SYTL2: variants seen among roughly 807,000 people sequenced by gnomAD.
The protein encoded by SYTL2 is synaptotagmin-like protein 2.
SYTL2 carries 165 observed loss-of-function variants against 198.7 expected under a neutral mutation model. That is an observed-to-expected ratio of 0.83 (90% CI 0.73 to 0.94). The LOEUF (loss-of-function observed/expected upper bound fraction) is 0.94, where lower values mean the gene tolerates loss of function less well. Among genes scored for constraint, SYTL2 ranks in the 40% least tolerant of loss-of-function variants. The pLI is 0.00. For synonymous variants in SYTL2, 966 were observed against 917.7 expected, an observed-to-expected ratio of 1.05 and a Z score of -0.95; for missense variants, 2,835 against 2,582.8, an observed-to-expected ratio of 1.10 and a Z score of -2.12.
At chr11:85,833,032 AAAGAAAGAAAGAAAG>A in the SYTL2 span, among the ~76,000 whole-genome samples, 150 of 20,614 alleles carry the variant, frequency 7.3e-3, 13 homozygotes, top group African/African-American at 0.029. Context: ...AGAAAGAAAG[AAAGAAAGAAAGAAAG>A]AAAGAAAGAA....
intron 17 of SYTL2, among the ~76,000 whole-genome samples, chr11:85,699,764 G>A (rs76808584): frequency 0.011 from 1,674 of 152,272 alleles, 14 homozygotes; most frequent in African/African-American, 0.037. Context: ...GAACTTGCTT[G>A]GGAAATGGAG....
Position 85,717,381 on chromosome 11 carries a change from C to T in SYTL2, c.5530+102G>A, listed in dbSNP as rs929080352. The T allele has an allele frequency of 2.2e-5, 22 of 979,448 alleles. No individual in the cohort carries two copies. The African/African-American group carries it at 2.9e-4, about 13-fold the overall frequency. The allele number at this position is 979,448 out of a possible 1,614,324, so 60.7% of individuals were successfully genotyped here. ...CTTTGCAAGCTGCAGGAGTTTAGTG[C>T]CAATAATAAATACTGTGTTATTAAT... is the stretch of plus-strand genomic sequence containing the variant. On this transcript the variant is annotated intron_variant, in intron 11 of 19. Coordinates refer to ENST00000359152, the MANE Select transcript of SYTL2 (RefSeq NM_206927.4).
the SYTL2 span, among the ~76,000 whole-genome samples, chr11:85,832,915 G>A: frequency 6.6e-6 from 1 of 150,526 alleles, no homozygotes; most frequent in Non-Finnish European, 1.5e-5. Context: ...AGGATCACTT[G>A]AGCCCAGGAG....
chr11:85,767,520 C>G (rs188403810), intron 1 of SYTL2, among the ~76,000 whole-genome samples: 1 of 152,252 alleles, frequency 6.6e-6, no homozygotes, highest in East Asian at 1.9e-4. Flanking sequence ...ATAAAGTTAA[C>G]TGAACTGTAG....
intron 9 of SYTL2, 60 bp downstream of exon 9, chr11:85,720,798 G>T: frequency 2.6e-6 from 3 of 1,166,218 alleles, no homozygotes; most frequent in Non-Finnish European, 3.9e-6. Context: ...CTACAGGAGA[G>T]CACATAGGCA....
At chr11:85,853,244 G>T in the SYTL2 span, 4 of 428,914 alleles carry the variant, frequency 9.3e-6, no homozygotes, top group Non-Finnish European at 1.4e-5. Context: ...GGAAAAGATA[G>T]AGAAATCAGA....
At position 85,704,920 on chromosome 11, in the gene SYTL2, C is replaced by T; in HGVS notation, c.6127G>A (p.Glu2043Lys). 1 of 1,613,792 alleles carries T rather than the reference C, an allele frequency of 6.2e-7. No homozygotes were observed. The highest frequency in any genetic ancestry group is 8.5e-7 in the Non-Finnish European group (1 of 1,179,762). The change falls in exon 16 of 20, where the codon GAA (glutamate) becomes AAA (lysine). Residue 2043 changes from glutamate to lysine, a missense_variant. Physicochemically the swap from Glu to Lys is moderately conservative, Grantham distance 56 (BLOSUM62 1). Around this residue, in one of 3 missense-constraint regions of SYTL2, gnomAD observed 2,645 missense variants for 2,381.7 expected, o/e 1.11. Coordinates refer to ENST00000359152, the MANE Select transcript of SYTL2 (RefSeq NM_206927.4). ...SFLGEVELDL[E>K]TWDWDNKQNK... ...TGTTTGTTATCCCAGTCCCATGTTT[C>T]CAAATCAAGTTCCACCTCCCCTAGG... is the stretch of plus-strand genomic sequence containing the variant.
intron 3 of SYTL2, 25 bp downstream of exon 3, chr11:85,748,247 A>G (rs1416560668): frequency 1.9e-6 from 3 of 1,599,306 alleles, no homozygotes; most frequent in Non-Finnish European, 2.6e-6. Flanking sequence ...TGCTTGTTGT[A>G]AATGCACTAG....
intron 2 of SYTL2, among the ~76,000 whole-genome samples, chr11:85,753,436 G>C (rs2091668546): frequency 6.6e-6 from 1 of 152,062 alleles, no homozygotes; most frequent in Non-Finnish European, 1.5e-5. Context: ...GGTAGCAACA[G>C]TGATCTGGAA....
chr11:85,839,115 A>G, the SYTL2 span, among the ~76,000 whole-genome samples: 7,251 of 152,252 alleles, frequency 0.048, 278 homozygotes, highest in South Asian at 0.093. Context: ...CATGGGGGAT[A>G]TTCATGAGTT....
At chr11:85,833,051 G>C in the SYTL2 span, among the ~76,000 whole-genome samples, 1 of 29,006 alleles carries the variant, frequency 3.4e-5, no homozygotes, top group African/African-American at 1.3e-4. Context: ...AAGAAAGAAA[G>C]AAAGAAAGAA....
At chr11:85,753,647 T>G (rs971986255) in intron 2 of SYTL2, among the ~76,000 whole-genome samples, 3 of 151,346 alleles carry the variant, frequency 2.0e-5, no homozygotes, top group Non-Finnish European at 4.4e-5. Context: ...AGTACACACA[T>G]GTGGTTTTAG....
intron 1 of SYTL2, among the ~76,000 whole-genome samples, chr11:85,796,974 G>A (rs2092812276): frequency 6.6e-6 from 1 of 151,986 alleles, no homozygotes; most frequent in South Asian, 2.1e-4. Flanking sequence ...GGATCGCTTG[G>A]GCCCAGGCAT....
At chr11:85,806,850 G>A (rs576073279) in intron 1 of SYTL2, among the ~76,000 whole-genome samples, 1 of 152,342 alleles carries the variant, frequency 6.6e-6, no homozygotes, top group East Asian at 1.9e-4. Flanking sequence ...ACTTTATAAG[G>A]AAACCAAGGC....
chr11:85,846,136 A>C, the SYTL2 span, among the ~76,000 whole-genome samples: 1 of 152,124 alleles, frequency 6.6e-6, no homozygotes, highest in Non-Finnish European at 1.5e-5. Context: ...GGTCAGCTAG[A>C]ATGGTGGACC....
At chr11:85,813,729 T>C (rs2093058181), upstream of SYTL2, among the ~76,000 whole-genome samples, 1 of 136,598 alleles carries the variant, frequency 7.3e-6, no homozygotes, top group South Asian at 2.7e-4. Context: ...CCTTCCTTCC[T>C]TCCTTCCTTC....
chr11:85,697,278 G>A (rs2083539125), intron 18 of SYTL2, among the ~76,000 whole-genome samples: 1 of 152,176 alleles, frequency 6.6e-6, no homozygotes. Context: ...GGGCTCCAGT[G>A]ATCCGTCCGC....
At position 85,705,007 on chromosome 11, in the gene SYTL2, A is replaced by C. The variant is rs1444008871; in HGVS notation, c.6040T>G (p.Leu2014Val). ...GACAGGTTCAATTTCTGTGTCTTTA[A>C]GATTTGTTTTTCAATTTTATACTGA... ...ILRYKIEKQI[L>V]KTQKLNLSIW... The change falls in exon 16 of 20, where the codon TTA becomes GTA. Residue 2014 changes from leucine to valine, a missense_variant. By Grantham distance (32) the Leu-to-Val change is conservative (BLOSUM62 1). Coordinates refer to ENST00000359152, the MANE Select transcript of SYTL2 (RefSeq NM_206927.4). 6.2e-7 allele frequency: 1 copy of C among 1,611,826 alleles called. No individual in the cohort carries two copies. The highest frequency in any genetic ancestry group is 8.5e-7 in the Non-Finnish European group (1 of 1,178,780).
chr11:85,780,789 A>G (rs1419984007), intron 1 of SYTL2, among the ~76,000 whole-genome samples: 2 of 152,240 alleles, frequency 1.3e-5, no homozygotes, highest in African/African-American at 4.8e-5. Flanking sequence ...GAGAAATCCA[A>G]TTTACAGTCA....
Sources: gnomAD v4.1 joint callset for allele counts (sites outside exome capture counted in the v4.1 genomes callset) on GRCh38, gnomAD v4.1.1 for gene constraint, gnomAD v4.1.1 regional missense constraint, MANE v1.5 for transcripts, NCBI Gene and HGNC (gene_info 2026-07-23, HGNC 2026-07-21) for gene names.